Variants in EIF4E3 observed in about 807,000 individuals in gnomAD.
EIF4E3 encodes the protein eukaryotic translation initiation factor 4E type 3.
In EIF4E3, 26 loss-of-function variants were observed where a neutral mutation model predicts 31.7. That is an observed-to-expected ratio of 0.82 (90% CI 0.60 to 1.14). The LOEUF is 1.14. Ranked by LOEUF, EIF4E3 falls within the 50% of genes most tolerant of loss-of-function variation. The pLI is 0.00. For synonymous variants in EIF4E3, 128 were observed against 107.7 expected, an observed-to-expected ratio of 1.19 and a Z score of -1.17; for missense variants, 304 against 270.9, an observed-to-expected ratio of 1.12 and a Z score of -0.86.
chr3:71,719,443 G>A (rs1432412937), intron 1 of EIF4E3, among the ~76,000 whole-genome samples: 2 of 151,968 alleles, frequency 1.3e-5, no homozygotes, highest in African/African-American at 2.4e-5. Flanking sequence ...GGCGGATGAG[G>A]GAATACACTT....
intron 6 of EIF4E3, among the ~76,000 whole-genome samples, chr3:71,685,101 G>A (rs1334711076): frequency 6.6e-6 from 1 of 151,972 alleles, no homozygotes; most frequent in Non-Finnish European, 1.5e-5. Context: ...GGGGGTGCCT[G>A]ACACAACCCA....
rs934102351 is a variant in EIF4E3, at chr3:71,679,898, A to G, written c.*4784T>C. Reference sequence around the variant, plus strand: ...TCAATGATGCTGAACCCCAGATGCCATAAGACATTATAGAAAAGTAGTTAC... The same window carrying G: ...TCAATGATGCTGAACCCCAGATGCCGTAAGACATTATAGAAAAGTAGTTAC... On this transcript the variant is annotated 3_prime_UTR_variant, in exon 7 of 7. Coordinates refer to ENST00000425534, the MANE Select transcript of EIF4E3 (RefSeq NM_001134651.2). 3 of 152,238 alleles carry G rather than the reference A, an allele frequency of 2.0e-5. No homozygotes were observed. The highest frequency in any genetic ancestry group is 2.1e-4 in the South Asian group (1 of 4,834). 9.4% of individuals were successfully genotyped at this position (152,238 alleles called of 1,614,324 possible).
rs942751450 is a variant in EIF4E3, at chr3:71,680,140, C to T, written c.*4542G>A. 6.6e-6 allele frequency: 1 copy of T among 152,144 alleles called. No homozygotes were observed. The highest frequency in any genetic ancestry group is 1.5e-5 in the Non-Finnish European group (1 of 68,036). 9.4% of individuals were successfully genotyped at this position (152,144 alleles called of 1,614,324 possible). On this transcript the variant is annotated 3_prime_UTR_variant, in exon 7 of 7. Transcript: ENST00000425534. ...TCTCAGTATTAATGGTTTTCTCCAG[C>T]CTTCATAAGATTGTTGGTATCATAC...
chr3:71,679,784 C>A lies in EIF4E3; in HGVS notation c.*4898G>T, dbSNP rs993804211. 3 of 152,154 alleles carry A rather than the reference C, an allele frequency of 2.0e-5. No individual in the cohort carries two copies. Among genetic ancestry groups the A allele is most frequent in the Admixed American group, 6.5e-5 (1 of 15,276 alleles). The allele number at this position is 152,154 out of a possible 1,614,324, so 9.4% of individuals were successfully genotyped here. On this transcript the variant is annotated 3_prime_UTR_variant, in exon 7 of 7. Transcript: ENST00000425534. ...GTGACAATTAATTTTAGTGGAAATT[C>A]ATTCCCAGGCTACTTTGATAGTCAT...
chr3:71,733,622 G>C (rs2049729871), intron 1 of EIF4E3, among the ~76,000 whole-genome samples: 1 of 152,168 alleles, frequency 6.6e-6, no homozygotes, highest in Non-Finnish European at 1.5e-5. Context: ...AGCTTCCTGA[G>C]GGGTGGGGAG....
intron 2 of EIF4E3, among the ~76,000 whole-genome samples, chr3:71,703,704 AC>A (rs1289291389): frequency 1.3e-5 from 2 of 151,780 alleles, no homozygotes; most frequent in South Asian, 4.2e-4. Context: ...AAAAGAATGC[AC>A]TTGGAAATTC....
At chr3:71,733,041 C>T (rs2049723305) in intron 1 of EIF4E3, among the ~76,000 whole-genome samples, 2 of 152,238 alleles carry the variant, frequency 1.3e-5, no homozygotes, top group Admixed American at 1.3e-4. Flanking sequence ...CCTACATCTT[C>T]TCTGCTTTTT....
intron 1 of EIF4E3, among the ~76,000 whole-genome samples, chr3:71,751,123 C>T (rs974914292): frequency 6.6e-6 from 1 of 151,992 alleles, no homozygotes; most frequent in Non-Finnish European, 1.5e-5. Flanking sequence ...GTCCCAGCTA[C>T]TCAGGAGGCT....
At chr3:71,661,989 G>C in the EIF4E3 span, among the ~76,000 whole-genome samples, 1 of 152,170 alleles carries the variant, frequency 6.6e-6, no homozygotes, top group Non-Finnish European at 1.5e-5. Context: ...GATAAGAAAA[G>C]TTCCTAGAGG....
downstream of EIF4E3, among the ~76,000 whole-genome samples, chr3:71,672,659 G>A (rs918232963): frequency 6.6e-5 from 10 of 152,174 alleles, no homozygotes; most frequent in Admixed American, 6.5e-5. Context: ...CTCGGAGCCC[G>A]GCCTTTGAAG....
chr3:71,664,559 G>C, the EIF4E3 span, among the ~76,000 whole-genome samples: 1 of 152,034 alleles, frequency 6.6e-6, no homozygotes, highest in Non-Finnish European at 1.5e-5. Flanking sequence ...GGGCTTACTG[G>C]GACTGTTGAG....
At chr3:71,696,969 C>T (rs770841158) in intron 3 of EIF4E3, among the ~76,000 whole-genome samples, 9 of 151,462 alleles carry the variant, frequency 5.9e-5, no homozygotes, top group Non-Finnish European at 1.3e-4. Flanking sequence ...CCACCGGTCT[C>T]GGCCTCCCAA....
chr3:71,697,034 A>G (rs940202225), intron 3 of EIF4E3, among the ~76,000 whole-genome samples: 4 of 126,472 alleles, frequency 3.2e-5, no homozygotes, highest in African/African-American at 1.2e-4. Flanking sequence ...TTTTTTTTTA[A>G]AGACTAGGTC....
intron 6 of EIF4E3, among the ~76,000 whole-genome samples, chr3:71,689,669 A>G (rs1256551853): frequency 1.3e-5 from 2 of 152,228 alleles, no homozygotes; most frequent in African/African-American, 4.8e-5. Context: ...GCCAGTTCAT[A>G]TAATGACATT....
Position 71,725,174 on chromosome 3 carries a change from G to A in EIF4E3, c.176+18C>T. ...ACCCGGGTCGGGGCCGTGCGCGGCG[G>A]GCCCCGCGCCCCCTCACCTGTCGAG... On this transcript the variant is annotated intron_variant, in intron 1 of 6. Coordinates refer to ENST00000425534, the MANE Select transcript of EIF4E3 (RefSeq NM_001134651.2). The surrounding 1 kb of genome is among the most constrained non-coding windows in gnomAD (Gnocchi z 6.1). The A allele has an allele frequency of 9.2e-7, 1 of 1,081,622 alleles. No individual in the cohort carries two copies. Among genetic ancestry groups the A allele is most frequent in the Non-Finnish European group, 1.1e-6 (1 of 894,768 alleles). 67.0% of individuals were successfully genotyped at this position (1,081,622 alleles called of 1,614,324 possible). A position where few individuals can be genotyped will look rare whatever the true frequency, so the allele number is the denominator to read the frequency against.
At chr3:71,754,519 C>G, upstream of EIF4E3, 1 of 1,315,770 alleles carries the variant, frequency 7.6e-7, no homozygotes, top group African/African-American at 1.5e-5. The surrounding 1 kb of genome is among the most constrained non-coding windows in gnomAD (Gnocchi z 5.8). Flanking sequence ...GCGGCCTTCC[C>G]GCCAGTGCTG....
the EIF4E3 span, among the ~76,000 whole-genome samples, chr3:71,667,984 T>G: frequency 6.6e-6 from 1 of 152,260 alleles, no homozygotes; most frequent in East Asian, 1.9e-4. Flanking sequence ...GGAGGCATCA[T>G]GCTACCTGGC....
At chr3:71,716,737 T>G (rs1391246287) in intron 1 of EIF4E3, among the ~76,000 whole-genome samples, 1 of 152,212 alleles carries the variant, frequency 6.6e-6, no homozygotes. Flanking sequence ...CATTGGTTAG[T>G]GGCAGATCTG....
intron 1 of EIF4E3, among the ~76,000 whole-genome samples, chr3:71,733,224 G>A (rs1437120902): frequency 6.6e-6 from 1 of 152,172 alleles, no homozygotes; most frequent in Non-Finnish European, 1.5e-5. Flanking sequence ...AGCGGGTCCT[G>A]GAGCACTGCC....
Sources: allele counts gnomAD v4.1 joint callset (sites outside exome capture counted in the v4.1 genomes callset), GRCh38; gene constraint gnomAD v4.1.1; non-coding constraint Gnocchi (gnomAD v3.1); transcripts MANE v1.5; gene names NCBI Gene and HGNC (gene_info 2026-07-23, HGNC 2026-07-21).